CADM1: variants seen among roughly 807,000 people sequenced by gnomAD.
CADM1 encodes the protein cell adhesion molecule 1.
CADM1 carries 15 observed loss-of-function variants against 53.1 expected under a neutral mutation model. The observed-to-expected ratio is 0.28, with a 90% confidence interval of 0.19 to 0.44. The LOEUF (loss-of-function observed/expected upper bound fraction) is 0.44. Among genes scored for constraint, CADM1 ranks in the 20% least tolerant of loss-of-function variants. CADM1 has a pLI of 1.00. For missense variants in CADM1, 434 were observed against 611.3 expected (o/e 0.71, Z 3.06); for synonymous variants, 281 against 243.0 (o/e 1.16, Z -1.45).
At chr11:115,352,290 G>A (rs887097714) in intron 1 of CADM1, among the ~76,000 whole-genome samples, 3 of 152,128 alleles carry the variant, frequency 2.0e-5, no homozygotes, top group Non-Finnish European at 4.4e-5. Flanking sequence ...TTTGGCAGAG[G>A]GCTTGTCAGC....
chr11:115,447,153 A>G (rs997073210), intron 1 of CADM1, among the ~76,000 whole-genome samples: 3 of 152,236 alleles, frequency 2.0e-5, no homozygotes, highest in African/African-American at 7.2e-5. Context: ...GATCTCTAGT[A>G]TAATACCTAG....
chr11:115,413,894 C>A (rs571381357), intron 1 of CADM1, among the ~76,000 whole-genome samples: 1 of 152,066 alleles, frequency 6.6e-6, no homozygotes, highest in Non-Finnish European at 1.5e-5. Flanking sequence ...CCACCCGCCT[C>A]GGACTCCCAA....
intron 1 of CADM1, among the ~76,000 whole-genome samples, chr11:115,341,345 A>T (rs1289432587): frequency 6.6e-6 from 1 of 152,156 alleles, no homozygotes; most frequent in Non-Finnish European, 1.5e-5. Context: ...AATAAATAAA[A>T]CTCAGTAAAC....
chr11:115,236,964 T>C (rs1317817570), intron 3 of CADM1, among the ~76,000 whole-genome samples: 1 of 152,184 alleles, frequency 6.6e-6, no homozygotes, highest in African/African-American at 2.4e-5. Context: ...AAGGTATATG[T>C]AGTAAAATAC....
chr11:115,314,139 A>C (rs112503911), intron 1 of CADM1, among the ~76,000 whole-genome samples: 6 of 152,044 alleles, frequency 3.9e-5, no homozygotes, highest in Non-Finnish European at 8.8e-5. Flanking sequence ...ACCCCAGGAA[A>C]ACCTGTACAA....
At chr11:115,237,065 T>C (rs1197098810) in intron 3 of CADM1, among the ~76,000 whole-genome samples, 1 of 152,196 alleles carries the variant, frequency 6.6e-6, no homozygotes, top group East Asian at 1.9e-4. Flanking sequence ...AAAGGGTGGA[T>C]GAGTGGATAG....
At chr11:115,261,180 G>A (rs6589490) in intron 1 of CADM1, among the ~76,000 whole-genome samples, 78,204 of 151,990 alleles carry the variant, frequency 0.51, 22,591 homozygotes, top group East Asian at 0.87. Context: ...AACCATCAAA[G>A]ATGTTATTTA....
chr11:115,328,688 A>ACGCG lies in CADM1; in HGVS notation c.125-88269_125-88268insCGCG, dbSNP rs1565367858. ...ACACTATATATATATGTGTATATAT[A>ACGCG]TGTGTATATATATGTATATATATAT... On this transcript the variant is annotated intron_variant, in intron 1 of 11. Coordinates refer to ENST00000331581, the MANE Select transcript of CADM1 (RefSeq NM_001301043.2). Among the ~76,000 whole-genome samples, 10 of 32,414 alleles carry ACGCG rather than the reference A, an allele frequency of 3.1e-4. No individual in the cohort carries two copies. In the East Asian group the frequency reaches 0.033, roughly 106 times the overall value. The allele number at this position is 32,414 out of a possible 152,430, so 21.3% of individuals were successfully genotyped here.
chr11:115,257,028 T>C, intron 1 of CADM1: 1 of 382,520 alleles, frequency 2.6e-6, no homozygotes, highest in Non-Finnish European at 5.4e-6. Context: ...AGTTAAGCCC[T>C]CACAATTGTG....
chr11:115,307,907 T>A (rs904364712), intron 1 of CADM1, among the ~76,000 whole-genome samples: 1 of 151,832 alleles, frequency 6.6e-6, no homozygotes, highest in Admixed American at 6.6e-5. Flanking sequence ...GCTTTCTTTT[T>A]TAAAATCCAC....
intron 1 of CADM1, among the ~76,000 whole-genome samples, chr11:115,361,063 T>C (rs1029954035): frequency 4.6e-5 from 7 of 152,194 alleles, no homozygotes; most frequent in Admixed American, 3.9e-4. Context: ...ATGTAATTAA[T>C]AATGCCCTAC....
At chr11:115,284,087 A>ACTCTCTCTCTCTCTCT (rs141079093) in intron 1 of CADM1, among the ~76,000 whole-genome samples, 1,523 of 46,986 alleles carry the variant, frequency 0.032, 97 homozygotes, top group Middle Eastern at 0.077. Context: ...AAGCCCAGAC[A>ACTCTCTCTCTCTCTCT]CTCTCTCTCT....
At chr11:115,404,538 C>T (rs1306582722) in intron 1 of CADM1, among the ~76,000 whole-genome samples, 1 of 147,178 alleles carries the variant, frequency 6.8e-6, no homozygotes, top group Non-Finnish European at 1.5e-5. Flanking sequence ...AAAGCAAAAC[C>T]ATAAAGGAAA....
chr11:115,400,624 A>G (rs1316451252), intron 1 of CADM1, among the ~76,000 whole-genome samples: 4 of 136,636 alleles, frequency 2.9e-5, no homozygotes, highest in African/African-American at 1.1e-4. Flanking sequence ...TCTTTTATAT[A>G]TATGTATCAT....
At chr11:115,412,186 A>T (rs1947474824) in intron 1 of CADM1, among the ~76,000 whole-genome samples, 1 of 152,104 alleles carries the variant, frequency 6.6e-6, no homozygotes, top group Non-Finnish European at 1.5e-5. Context: ...TAAGTATTTT[A>T]AAAAATTATT....
intron 11 of CADM1, among the ~76,000 whole-genome samples, chr11:115,177,376 A>AAC (rs906294223): frequency 9.2e-5 from 14 of 152,300 alleles, no homozygotes; most frequent in African/African-American, 3.1e-4. Flanking sequence ...TTACATGGAG[A>AAC]ACAACAAAGA....
chr11:115,265,098 T>TA (rs1943096596), intron 1 of CADM1, among the ~76,000 whole-genome samples: 3 of 152,234 alleles, frequency 2.0e-5, no homozygotes, highest in Admixed American at 2.0e-4. Flanking sequence ...TATTGTTTAC[T>TA]GGACTGCCTC....
intron 1 of CADM1, among the ~76,000 whole-genome samples, chr11:115,353,777 TG>T (rs1945795237): frequency 6.6e-6 from 1 of 151,766 alleles, no homozygotes; most frequent in South Asian, 2.1e-4. Context: ...GAAAGGAGGG[TG>T]GTAAGTGGGT....
At chr11:115,388,524 C>T (rs1251246056) in intron 1 of CADM1, among the ~76,000 whole-genome samples, 1 of 151,976 alleles carries the variant, frequency 6.6e-6, no homozygotes, top group Non-Finnish European at 1.5e-5. Flanking sequence ...TCAGGCAATG[C>T]CCTGATCAGA....
Sources: allele counts gnomAD v4.1 joint callset (sites outside exome capture counted in the v4.1 genomes callset), GRCh38; gene constraint gnomAD v4.1.1; transcripts MANE v1.5; gene names NCBI Gene and HGNC (gene_info 2026-07-23, HGNC 2026-07-21).